The following ZNF670 variants were observed in gnomAD, a reference collection of about 807,000 sequenced individuals.
ZNF670 encodes the protein zinc finger protein 670.
A neutral mutation model predicts 10.9 loss-of-function variants in ZNF670; 7 were observed. The observed-to-expected ratio is 0.64, with a 90% CI of 0.36 to 1.20. The LOEUF (loss-of-function observed/expected upper bound fraction) is 1.20. Among genes scored for constraint, ZNF670 ranks in the 50% most tolerant of loss-of-function variants. ZNF670 has a pLI of 0.02. For missense variants in ZNF670, 446 were observed against 458.6 expected, an observed-to-expected ratio of 0.97 and a Z score of 0.25; for synonymous variants, 136 against 152.7, an observed-to-expected ratio of 0.89 and a Z score of 0.81.
At chr1:247,049,630 T>A (rs1670544482) in intron 1 of ZNF670, among the ~76,000 whole-genome samples, 1 of 152,240 alleles carries the variant, frequency 6.6e-6, no homozygotes, top group Non-Finnish European at 1.5e-5. Context: ...TTTGTACTCG[T>A]TCAGACTTTT....
In ZNF670 at chr1:247,039,048, TTTTC is replaced by T. The variant is rs200505716; in HGVS notation, c.131-182_131-179del. ...ACACTTGTTTTCTTCTTCTTTTCTT[TTTTC>T]TTTCTTTCTTTTTTTTTTTTTTTTG... On this transcript the variant is annotated intron_variant, in intron 2 of 3. Coordinates refer to ENST00000366503, the MANE Select transcript of ZNF670 (RefSeq NM_033213.5). Among the ~76,000 whole-genome samples, 64 of 134,154 alleles carry T rather than the reference TTTTC, an allele frequency of 4.8e-4. 2 individuals carry two copies. In the East Asian group the frequency reaches 0.011, roughly 22 times the overall value. The allele number at this position is 134,154 out of a possible 152,430, so 88.0% of individuals were successfully genotyped here. A position where few individuals can be genotyped will look rare whatever the true frequency, so the allele number is the denominator to read the frequency against.
chr1:247,074,747 A>C (rs1489751753), intron 1 of ZNF670, among the ~76,000 whole-genome samples: 1 of 152,078 alleles, frequency 6.6e-6, no homozygotes, highest in African/African-American at 2.4e-5. Flanking sequence ...TGAGATTCTA[A>C]AGCCACCACT....
chr1:247,059,914 C>T (rs1670818642), intron 1 of ZNF670, among the ~76,000 whole-genome samples: 1 of 152,040 alleles, frequency 6.6e-6, no homozygotes, highest in Admixed American at 6.6e-5. Context: ...TTATATAGCA[C>T]CCAGTAAAAA....
chr1:247,063,116 T>G (rs1451523666), intron 1 of ZNF670, among the ~76,000 whole-genome samples: 1 of 152,218 alleles, frequency 6.6e-6, no homozygotes, highest in East Asian at 1.9e-4. Context: ...TGCTTTTCTT[T>G]TATGTAAAGT....
At chr1:247,073,002 G>C (rs546197444) in intron 1 of ZNF670, among the ~76,000 whole-genome samples, 12 of 151,432 alleles carry the variant, frequency 7.9e-5, no homozygotes, top group Non-Finnish European at 1.5e-4. Flanking sequence ...CAAAGAATAA[G>C]AAAAAATAAT....
Position 247,038,428 on chromosome 1 carries a change from C to T in ZNF670, c.192-1G>A, listed in dbSNP as rs1428344338. On this transcript the variant is annotated splice_acceptor_variant, in intron 3 of 3. Transcript: ENST00000366503. LOFTEE classifies it high-confidence loss of function. ...AAACAGTCTCTCTACCACATGACTG[C>T]TGTAAAAATGATAAACATCATTAAT... 6.3e-7 allele frequency: 1 copy of T among 1,596,482 alleles called. No homozygotes were observed. Among genetic ancestry groups the T allele is most frequent in the Admixed American group, 1.7e-5 (1 of 58,148 alleles).
intron 1 of ZNF670, among the ~76,000 whole-genome samples, chr1:247,040,229 A>C (rs1489211138): frequency 6.6e-6 from 1 of 152,272 alleles, no homozygotes; most frequent in Non-Finnish European, 1.5e-5. Context: ...CAACGTGATT[A>C]TAATAAGAAA....
chr1:247,036,869 A>AACACACACAC lies in ZNF670; in HGVS notation c.*579_*580insGTGTGTGTGT, dbSNP rs376870318. On this transcript the variant is annotated 3_prime_UTR_variant, in exon 4 of 4. Transcript: ENST00000366503. ...AAGTAGTTTTCCCATAAAAAGGTAG[A>AACACACACAC]ATACACACACACACACACACACACA... The AACACACACAC allele has an allele frequency of 1.7e-5, 1 of 59,084 alleles. No individual in the cohort carries two copies. The highest frequency in any genetic ancestry group is 3.6e-5 in the Non-Finnish European group (1 of 27,398). 3.7% of individuals were successfully genotyped at this position (59,084 alleles called of 1,614,324 possible).
Position 247,037,790 on chromosome 1 carries a change from CAGT to C in ZNF670, c.826_828del (p.Thr276del). 2 of 1,613,742 alleles carry C rather than the reference CAGT, an allele frequency of 1.2e-6. No homozygotes were observed. The highest frequency in any genetic ancestry group is 2.2e-5 in the South Asian group (2 of 91,010). The stretch of plus-strand genomic sequence containing the variant: ...TTTATACATTCATAGGGTTTTTCTC[CAGT>C]ATGCGTTCTTTCATGTATTCCCAAG... On this transcript the variant is annotated inframe_deletion, in exon 4 of 4. Transcript: ENST00000366503.
chr1:247,056,342 C>T (rs936237297), intron 1 of ZNF670, among the ~76,000 whole-genome samples: 1 of 152,098 alleles, frequency 6.6e-6, no homozygotes, highest in African/African-American at 2.4e-5. Context: ...TCTTCCCTGA[C>T]CGCAAAGGAT....
intron 1 of ZNF670, chr1:247,042,963 A>G (rs904481909): frequency 3.0e-5 from 21 of 711,472 alleles, no homozygotes; most frequent in Non-Finnish European, 5.2e-5. Context: ...TTCGATACCA[A>G]TCCTTCAACA....
intron 1 of ZNF670, among the ~76,000 whole-genome samples, chr1:247,044,867 T>C (rs1230671511): frequency 1.3e-5 from 2 of 151,990 alleles, no homozygotes; most frequent in Non-Finnish European, 2.9e-5. Flanking sequence ...GCTCACTATC[T>C]ATGTGACAAA....
At chr1:247,046,413 T>C (rs1670449439) in intron 1 of ZNF670, among the ~76,000 whole-genome samples, 1 of 152,178 alleles carries the variant, frequency 6.6e-6, no homozygotes. Flanking sequence ...TGCATTCCAG[T>C]AGCTCTGGTT....
chr1:247,077,654 A>G (rs1311281443), intron 1 of ZNF670, among the ~76,000 whole-genome samples: 4 of 152,242 alleles, frequency 2.6e-5, no homozygotes, highest in Non-Finnish European at 4.4e-5. Flanking sequence ...GAAATGTACA[A>G]TAAAAGACAA....
chr1:247,043,163 A>G, intron 1 of ZNF670: 1 of 815,014 alleles, frequency 1.2e-6, no homozygotes, highest in South Asian at 1.3e-5. Flanking sequence ...GTAGTTCTGC[A>G]GATACATGTT....
chr1:247,044,328 G>A (rs981366253), intron 1 of ZNF670, among the ~76,000 whole-genome samples: 6 of 152,128 alleles, frequency 3.9e-5, no homozygotes, highest in African/African-American at 1.2e-4. Context: ...AAGTAGCGCA[G>A]AAAATGGAGC....
intron 1 of ZNF670, among the ~76,000 whole-genome samples, chr1:247,070,419 C>T (rs1299982470): frequency 3.3e-5 from 5 of 152,080 alleles, no homozygotes; most frequent in Non-Finnish European, 7.4e-5. Flanking sequence ...CGCAGTGAGC[C>T]GAGATCACGC....
chr1:247,064,699 T>C (rs574673441), intron 1 of ZNF670, among the ~76,000 whole-genome samples: 2 of 152,346 alleles, frequency 1.3e-5, no homozygotes, highest in African/African-American at 4.8e-5. Flanking sequence ...CAGTGGAACA[T>C]GCGGGAGCCA....
chr1:247,058,472 A>G (rs1670772157), intron 1 of ZNF670, among the ~76,000 whole-genome samples: 3 of 152,182 alleles, frequency 2.0e-5, no homozygotes, highest in Admixed American at 2.0e-4. Context: ...AACTAGAAAA[A>G]AGCCAGGAAG....
Sources: gnomAD v4.1 joint callset for allele counts (sites outside exome capture counted in the v4.1 genomes callset) on GRCh38, gnomAD v4.1.1 for gene constraint, MANE v1.5 for transcripts, NCBI Gene and HGNC (gene_info 2026-07-23, HGNC 2026-07-21) for gene names.